SH3PXD2A: variants seen among roughly 807,000 people sequenced by gnomAD.
The protein encoded by SH3PXD2A is SH3 and PX domain-containing protein 2A.
A neutral mutation model predicts 115.2 loss-of-function variants in SH3PXD2A; 32 were observed. That is an observed-to-expected ratio of 0.28 (90% CI 0.21 to 0.37). The LOEUF is 0.37. Among genes scored for constraint, SH3PXD2A ranks in the 10% least tolerant of loss-of-function variants. SH3PXD2A has a pLI of 1.00. For synonymous variants in SH3PXD2A, 610 were observed against 629.1 expected (o/e 0.97, Z 0.45); for missense variants, 1,328 against 1,498.7 (o/e 0.89, Z 1.88).
intron 1 of SH3PXD2A, among the ~76,000 whole-genome samples, chr10:103,848,948 CTTTTTTTTTTTTTTT>C (rs146019283): frequency 4.3e-5 from 3 of 69,642 alleles, no homozygotes; most frequent in African/African-American, 5.8e-5. Context: ...CCCATATATT[CTTTTTTTTTTTTTTT>C]TTTTTTTTTT....
At position 103,602,017 on chromosome 10, in the gene SH3PXD2A, C is replaced by T. The variant is rs745449879; in HGVS notation, c.3201G>A (p.Gln1067=). ...CATCTTTGAGGTTATTGTGGATGAA[C>T]TGAGACTTCTCGATGGGCTTGGGGC... ...PVRPKPIEKS[Q]FIHNNLKDVY... The change falls in exon 15 of 15, where the codon CAG becomes CAA. Residue 1067 remains glutamine, a synonymous_variant. Coordinates refer to ENST00000369774, the MANE Select transcript of SH3PXD2A (RefSeq NM_001394015.1). The T allele has an allele frequency of 6.2e-7, 1 of 1,613,368 alleles. No homozygotes were observed. Among genetic ancestry groups the T allele is most frequent in the Non-Finnish European group, 8.5e-7 (1 of 1,179,586 alleles).
chr10:103,795,007 T>C (rs1277561060), intron 2 of SH3PXD2A, among the ~76,000 whole-genome samples: 1 of 152,142 alleles, frequency 6.6e-6, no homozygotes, highest in Non-Finnish European at 1.5e-5. Context: ...CAGATCACTG[T>C]AGGGTGGCCA....
chr10:103,850,182 G>A (rs1029446329), intron 1 of SH3PXD2A, among the ~76,000 whole-genome samples: 2 of 152,162 alleles, frequency 1.3e-5, no homozygotes, highest in Non-Finnish European at 2.9e-5. Flanking sequence ...GTATTTCTGG[G>A]CTGGAATCGG....
chr10:103,820,132 C>T (rs1050277960), intron 1 of SH3PXD2A, among the ~76,000 whole-genome samples: 8 of 152,180 alleles, frequency 5.3e-5, no homozygotes, highest in South Asian at 4.1e-4. Context: ...CTTTGTTTCA[C>T]GCTCAATTCG....
At chr10:103,618,671 AG>A (rs1443963686) in intron 10 of SH3PXD2A, among the ~76,000 whole-genome samples, 1 of 152,188 alleles carries the variant, frequency 6.6e-6, no homozygotes, top group Admixed American at 6.5e-5. Context: ...AGGCTGAGCA[AG>A]GGTACCGATG....
In SH3PXD2A at chr10:103,734,933, C is replaced by A. The variant is rs907782322; in HGVS notation, c.306+799G>T. 2.6e-5 allele frequency among the ~76,000 whole-genome samples: 4 copies of A among 152,216 alleles called. No individual in the cohort carries two copies. In the East Asian group the frequency reaches 7.7e-4, roughly 29 times the overall value. ...CAGCTCATTCCATCCTCATGACCAC[C>A]GTGTGGAGGCACCCTGTGTGTTCTC... On this transcript the variant is annotated intron_variant, in intron 4 of 14. Coordinates refer to ENST00000369774, the MANE Select transcript of SH3PXD2A (RefSeq NM_001394015.1).
At chr10:103,735,373 C>T (rs1020695389) in intron 4 of SH3PXD2A, among the ~76,000 whole-genome samples, 10 of 152,244 alleles carry the variant, frequency 6.6e-5, no homozygotes, top group African/African-American at 2.4e-4. Context: ...AGAAATAGTT[C>T]TTCTATGTCC....
At chr10:103,765,166 A>G (rs1432150147) in intron 3 of SH3PXD2A, among the ~76,000 whole-genome samples, 1 of 152,204 alleles carries the variant, frequency 6.6e-6, no homozygotes, top group Non-Finnish European at 1.5e-5. Context: ...CAGCAGAGCC[A>G]GGGTTTCCAG....
intron 1 of SH3PXD2A, among the ~76,000 whole-genome samples, chr10:103,826,493 A>G (rs954013677): frequency 1.3e-5 from 2 of 152,170 alleles, no homozygotes; most frequent in Non-Finnish European, 2.9e-5. Flanking sequence ...ACTCCATCCC[A>G]GGCCTCCAGC....
chr10:103,699,427 C>T (rs1161048537), intron 5 of SH3PXD2A, among the ~76,000 whole-genome samples: 1 of 152,166 alleles, frequency 6.6e-6, no homozygotes, highest in Admixed American at 6.5e-5. Flanking sequence ...CAGGAGCCCT[C>T]GGATTCCCCA....
intron 4 of SH3PXD2A, among the ~76,000 whole-genome samples, chr10:103,733,191 C>T (rs2038342646): frequency 6.6e-6 from 1 of 152,154 alleles, no homozygotes; most frequent in Non-Finnish European, 1.5e-5. Context: ...GGAGGTCCCT[C>T]CTCTTGCAGA....
chr10:103,819,519 G>A (rs1414093721), intron 1 of SH3PXD2A, among the ~76,000 whole-genome samples: 3 of 152,150 alleles, frequency 2.0e-5, no homozygotes, highest in African/African-American at 7.2e-5. Context: ...TGAGAGGCAG[G>A]AGGTAAACTG....
At chr10:103,793,816 C>T (rs185101382) in intron 2 of SH3PXD2A, among the ~76,000 whole-genome samples, 13 of 152,334 alleles carry the variant, frequency 8.5e-5, no homozygotes. Context: ...AGAGTGCCTG[C>T]GGAAGAGACA....
At position 103,603,587 on chromosome 10, in the gene SH3PXD2A, C is replaced by T. The variant is rs965874831; in HGVS notation, c.1631G>A (p.Ser544Asn). 9.9e-6 allele frequency: 16 copies of T among 1,608,494 alleles called. 1 individual carries two copies. Among genetic ancestry groups the T allele is most frequent in the East Asian group, 4.5e-5 (2 of 44,862 alleles). The change falls in exon 15 of 15, where the codon AGC becomes AAC. Residue 544 changes from serine to asparagine, a missense_variant. Coordinates refer to ENST00000369774, the MANE Select transcript of SH3PXD2A (RefSeq NM_001394015.1). ...CTTGAGCTTCCGCGGGGAGTCCTGG[C>T]TCTCACTGGCCCCCGTAGGGCCCTC... ...AEEGPTGASE[S>N]QDSPRKLKYE...
chr10:103,644,496 G>T (rs2037005845), intron 8 of SH3PXD2A, among the ~76,000 whole-genome samples: 1 of 151,230 alleles, frequency 6.6e-6, no homozygotes, highest in Admixed American at 6.6e-5. Flanking sequence ...TGAGGTGGGA[G>T]GATCACTTGA....
At chr10:103,846,177 G>A (rs948857836) in intron 1 of SH3PXD2A, among the ~76,000 whole-genome samples, 1 of 152,248 alleles carries the variant, frequency 6.6e-6, no homozygotes, top group Non-Finnish European at 1.5e-5. Context: ...TGGCTTCCTC[G>A]CCAGCCAAAG....
At chr10:103,740,407 A>G (rs1350335085) in intron 3 of SH3PXD2A, among the ~76,000 whole-genome samples, 2 of 152,114 alleles carry the variant, frequency 1.3e-5, no homozygotes, top group Admixed American at 1.3e-4. Flanking sequence ...GGAGATGAGA[A>G]CAGTTAAACC....
chr10:103,824,383 G>A (rs992181255), intron 1 of SH3PXD2A, among the ~76,000 whole-genome samples: 6 of 152,172 alleles, frequency 3.9e-5, no homozygotes, highest in Non-Finnish European at 5.9e-5. Context: ...AAGCAGTCCC[G>A]AACTCAGCCC....
chr10:103,655,011 C>T (rs995734887), intron 8 of SH3PXD2A, among the ~76,000 whole-genome samples: 9 of 152,226 alleles, frequency 5.9e-5, no homozygotes, highest in South Asian at 2.1e-4. Context: ...TGGCTTTATG[C>T]TCCCAGGCCC....
Sources: gnomAD v4.1 joint callset for allele counts (sites outside exome capture counted in the v4.1 genomes callset) on GRCh38, gnomAD v4.1.1 for gene constraint, MANE v1.5 for transcripts, NCBI Gene and HGNC (gene_info 2026-07-23, HGNC 2026-07-21) for gene names.